The following SLC7A6 variants were observed in gnomAD, a reference collection of about 807,000 sequenced individuals.
SLC7A6 encodes the protein solute carrier family 7 member 6, also known as Y+L amino acid transporter 2.
A neutral mutation model predicts 46.6 loss-of-function variants in SLC7A6; 29 were observed. The ratio of observed to expected loss-of-function variants is 0.62; its 90% CI spans 0.46 to 0.85. SLC7A6 has a LOEUF of 0.85. Among genes scored for constraint, SLC7A6 ranks in the 40% least tolerant of loss-of-function variants. SLC7A6 has a pLI of 0.00. For synonymous variants in SLC7A6, 276 were observed against 257.3 expected (o/e 1.07, Z -0.70); for missense variants, 527 against 647.6 (o/e 0.81, Z 2.02).
chr16:68,287,560 C>A (rs2042962471), intron 3 of SLC7A6, 186 bp from the exon 4 acceptor site: 4 of 1,454,304 alleles, frequency 2.8e-6, no homozygotes, highest in Admixed American at 4.8e-5. Flanking sequence ...GATGGAAGTG[C>A]CTGTGTGCTG....
rs1412931684 is a variant in SLC7A6, at chr16:68,300,658, T to C, written c.*3330T>C. 1 of 985,360 alleles carries C rather than the reference T, an allele frequency of 1.0e-6. No individual in the cohort carries two copies. Among genetic ancestry groups the C allele is most frequent in the Non-Finnish European group, 1.2e-6 (1 of 829,948 alleles). The allele number at this position is 985,360 out of a possible 1,614,324, so 61.0% of individuals were successfully genotyped here. On this transcript the variant is annotated 3_prime_UTR_variant, in exon 11 of 11. Transcript: ENST00000219343. ...ATTTTACTAAACACATGTATCACATTCATATATATTGTTTCTTGGCCCCAC... is the reference window on the plus strand; with the variant it reads ...ATTTTACTAAACACATGTATCACATCCATATATATTGTTTCTTGGCCCCAC...
intron 3 of SLC7A6, among the ~76,000 whole-genome samples, chr16:68,275,956 A>G (rs78804530): frequency 6.6e-6 from 1 of 152,080 alleles, no homozygotes; most frequent in African/African-American, 2.4e-5. Flanking sequence ...GAAAAAAAAA[A>G]GAGTTATTTT....
At position 68,287,704 on chromosome 16, in the gene SLC7A6, C is replaced by T. The variant is rs201821071; in HGVS notation, c.524-42C>T. ...TAAAGAGGGGTTGGGCCCCTGTGCC[C>T]TCAACTCAAGCCTGCCAGTGACTTT... On this transcript the variant is annotated intron_variant, in intron 3 of 10. Transcript: ENST00000219343. The T allele has an allele frequency of 2.7e-5, 43 of 1,601,712 alleles. No individual in the cohort carries two copies. In the South Asian group the frequency reaches 4.7e-4, roughly 17 times the overall value.
rs114245022 is a variant in SLC7A6 at position 68,283,126 on chromosome 16, G to A, written c.524-4620G>A. Among the ~76,000 whole-genome samples the A allele has an allele frequency of 6.3e-3, 963 of 152,336 alleles. 11 individuals carry two copies. Among genetic ancestry groups the A allele is most frequent in the African/African-American group, 0.022 (897 of 41,570 alleles). ...AGGCAATCTCCTCATCAGAAAGAGA[G>A]TATGAAAGGCACAGTTCTGCGAGAG... is the stretch of plus-strand genomic sequence containing the variant. On this transcript the variant is annotated intron_variant, in intron 3 of 10. Coordinates refer to ENST00000219343, the MANE Select transcript of SLC7A6 (RefSeq NM_003983.6).
rs202243477 is a variant in SLC7A6 at position 68,286,992 on chromosome 16, C to CTT, written c.524-739_524-738dup. The stretch of plus-strand genomic sequence containing the variant: ...CATATAACAGACTTTTCTTTTTCTC[C>CTT]TTTTTTTTTTTTTTTTGAGACGAGG... On this transcript the variant is annotated intron_variant, in intron 3 of 10. Coordinates refer to ENST00000219343, the MANE Select transcript of SLC7A6 (RefSeq NM_003983.6). Among the ~76,000 whole-genome samples the CTT allele has an allele frequency of 3.5e-4, 49 of 138,200 alleles. No homozygotes were observed. The South Asian group carries it at 3.7e-3, about 10-fold the overall frequency. The allele number at this position is 138,200 out of a possible 152,430, so 90.7% of individuals were successfully genotyped here.
Position 68,274,848 on chromosome 16 carries a change from TGAA to T in SLC7A6, c.127_129del (p.Lys43del). The T allele has an allele frequency of 1.2e-6, 2 of 1,614,200 alleles. No individual in the cohort carries two copies. Among genetic ancestry groups the T allele is most frequent in the South Asian group, 1.1e-5 (1 of 91,080 alleles). Reference sequence around the variant, plus strand: ...CAAAGGTCCTCCGAAACTATGCAGCTGAAGAAGGAGATCTCCCTGCTGAATGGG... The same window carrying T: ...CAAAGGTCCTCCGAAACTATGCAGCTGAAGGAGATCTCCCTGCTGAATGGG... On this transcript the variant is annotated inframe_deletion, in exon 3 of 11. Coordinates refer to ENST00000219343, the MANE Select transcript of SLC7A6 (RefSeq NM_003983.6).
chr16:68,290,331 C>G, intron 4 of SLC7A6, 65 bp from the exon 5 acceptor site: 2 of 1,560,580 alleles, frequency 1.3e-6, no homozygotes, highest in Non-Finnish European at 1.8e-6. Context: ...CCTCCCATCT[C>G]CTCTTCCTTT....
chr16:68,292,711 T>C (rs1441353012), intron 7 of SLC7A6: 1 of 152,134 alleles, frequency 6.6e-6, no homozygotes, highest in African/African-American at 2.4e-5. Context: ...TCAACTTTCA[T>C]TCATTTTCCC....
chr16:68,290,603 GC>G (rs1781593752), intron 5 of SLC7A6, 63 bp downstream of exon 5: 6 of 1,589,216 alleles, frequency 3.8e-6, no homozygotes, highest in Non-Finnish European at 4.3e-6. Context: ...TAGTGGGCGT[GC>G]CTGCCCTCAT....
intron 3 of SLC7A6, chr16:68,287,380 T>C (rs1160908788): frequency 2.3e-6 from 3 of 1,297,520 alleles, no homozygotes; most frequent in Non-Finnish European, 3.0e-6. Flanking sequence ...CTTTTGGCCA[T>C]GAAGAGGTCT....
At chr16:68,271,827 G>T (rs1488555056) in intron 2 of SLC7A6, among the ~76,000 whole-genome samples, 1 of 151,394 alleles carries the variant, frequency 6.6e-6, no homozygotes, top group African/African-American at 2.4e-5. Context: ...TTTTGAGACA[G>T]AGTCTTGCTC....
In SLC7A6 at chr16:68,291,644, C is replaced by A; in HGVS notation, c.1005C>A (p.Ser335=). Reference sequence around the variant, plus strand: ...CCTGCTTTGGGGGCCTCAATGCATCCATCTTTGCTTCATCAAGGTACTGTG... The same window carrying A: ...CCTGCTTTGGGGGCCTCAATGCATCAATCTTTGCTTCATCAAGGTACTGTG... ...ALSCFGGLNA[S]IFASSRLFFV... The change falls in exon 7 of 11, where the codon TCC becomes TCA. Residue 335 remains serine, a synonymous_variant. Transcript: ENST00000219343. 6.2e-7 allele frequency: 1 copy of A among 1,613,986 alleles called. No homozygotes were observed. The highest frequency in any genetic ancestry group is 8.5e-7 in the Non-Finnish European group (1 of 1,179,880).
intron 1 of SLC7A6, chr16:68,265,655 C>T (rs2042519115): frequency 6.6e-6 from 1 of 152,116 alleles, no homozygotes; most frequent in South Asian, 2.1e-4. Context: ...TTTTGGGGAC[C>T]TGCCCAGGCT....
At chr16:68,297,100 A>T in intron 10 of SLC7A6, 134 bp from the exon 11 acceptor site, 1 of 800,314 alleles carries the variant, frequency 1.2e-6, no homozygotes, top group Non-Finnish European at 2.0e-6. Flanking sequence ...GTTGGGAGAC[A>T]GGGGCAAAGC....
chr16:68,292,420 C>T (rs116457455), intron 7 of SLC7A6: 14 of 152,394 alleles, frequency 9.2e-5, no homozygotes, highest in African/African-American at 3.4e-4. Context: ...TGGGTGCTCA[C>T]TTGGAGCCAG....
intron 7 of SLC7A6, 139 bp downstream of exon 7, chr16:68,291,800 T>TGTGTGTGTGTGTGTGTGTGTGTGTGTG (rs2043058280): frequency 1.4e-6 from 1 of 706,140 alleles, no homozygotes; most frequent in Non-Finnish European, 2.4e-6. Flanking sequence ...TGTGTGTGTG[T>TGTGTGTGTGTGTGTGTGTGTGTGTGTG]TTGGTATGTG....
In SLC7A6 at chr16:68,291,259, A is replaced by T; in HGVS notation, c.845A>T (p.Tyr282Phe). ...GISMPIVTLIYILTNVAYYTV... is the reference protein window; with the variant it reads ...GISMPIVTLIFILTNVAYYTV... Reference sequence around the variant, plus strand: ...TCTATGCCAATTGTGACGCTCATCTACATCCTGACCAATGTGGCCTATTAC... The same window carrying T: ...TCTATGCCAATTGTGACGCTCATCTTCATCCTGACCAATGTGGCCTATTAC... Residue 282 changes from tyrosine (Y) to phenylalanine (F), a missense_variant, in exon 6 of 11, where the codon TAC (tyrosine) becomes TTC (phenylalanine). By Grantham distance (22) the Tyr-to-Phe change is conservative (BLOSUM62 3). Coordinates refer to ENST00000219343, the MANE Select transcript of SLC7A6 (RefSeq NM_003983.6). 1 of 1,614,240 alleles carries T rather than the reference A, an allele frequency of 6.2e-7. No individual in the cohort carries two copies. The highest frequency in any genetic ancestry group is 8.5e-7 in the Non-Finnish European group (1 of 1,180,048).
At chr16:68,271,310 TTTG>T (rs1217223471) in intron 2 of SLC7A6, among the ~76,000 whole-genome samples, 1 of 152,128 alleles carries the variant, frequency 6.6e-6, no homozygotes, top group Non-Finnish European at 1.5e-5. Flanking sequence ...ATTTGTGCTT[TTTG>T]TTGTTTGTTT....
At chr16:68,271,592 A>C (rs912885546) in intron 2 of SLC7A6, among the ~76,000 whole-genome samples, 1 of 152,188 alleles carries the variant, frequency 6.6e-6, no homozygotes. Context: ...GGTGTGCACC[A>C]CTGTGCCCTG....
Sources: allele counts gnomAD v4.1 joint callset (sites outside exome capture counted in the v4.1 genomes callset), GRCh38; gene constraint gnomAD v4.1.1; transcripts MANE v1.5; gene names NCBI Gene and HGNC (gene_info 2026-07-23, HGNC 2026-07-21).